The following SULF1 variants were observed in gnomAD, a reference collection of about 807,000 sequenced individuals.
The protein encoded by SULF1 is sulfatase 1.
Under a neutral mutation model 110.5 loss-of-function variants are expected in SULF1, and 46 were observed. That is an observed-to-expected ratio of 0.42 (90% CI 0.33 to 0.53). The LOEUF is 0.53. SULF1 is among the 20% of genes least tolerant of loss of function. The pLI, the probability that SULF1 is intolerant of heterozygous loss-of-function variation, is 0.12. For synonymous variants in SULF1, 371 were observed against 387.1 expected, an observed-to-expected ratio of 0.96 and a Z score of 0.49; for missense variants, 941 against 1,094.2, an observed-to-expected ratio of 0.86 and a Z score of 1.98.
intron 19 of SULF1, among the ~76,000 whole-genome samples, chr8:69,634,635 C>T (rs1810835009): frequency 6.6e-6 from 1 of 151,918 alleles, no homozygotes; most frequent in Non-Finnish European, 1.5e-5. Context: ...TCCGGGCTTG[C>T]CTGTAGTCCC....
At chr8:69,570,294 CA>C (rs1170781521) in intron 5 of SULF1, among the ~76,000 whole-genome samples, 1 of 152,096 alleles carries the variant, frequency 6.6e-6, no homozygotes, top group Non-Finnish European at 1.5e-5. Flanking sequence ...GTGATAATGA[CA>C]ATATTTACTG....
At chr8:69,576,346 TA>T in intron 6 of SULF1, 137 bp downstream of exon 6, 1 of 967,728 alleles carries the variant, frequency 1.0e-6, no homozygotes, top group Non-Finnish European at 1.5e-6. Flanking sequence ...GCTTGACATC[TA>T]CCCCAGGGTC....
intron 6 of SULF1, among the ~76,000 whole-genome samples, chr8:69,585,186 C>T (rs1166210023): frequency 1.3e-5 from 2 of 152,042 alleles, no homozygotes; most frequent in African/African-American, 2.4e-5. Context: ...TATACATACA[C>T]GCACACATGC....
At chr8:69,634,799 G>A (rs537155398) in intron 19 of SULF1, among the ~76,000 whole-genome samples, 1 of 152,116 alleles carries the variant, frequency 6.6e-6, no homozygotes, top group East Asian at 1.9e-4. Flanking sequence ...AGAACATAAT[G>A]TGTAAAAAAA....
chr8:69,656,264 T>C (rs771747207), intron 22 of SULF1, among the ~76,000 whole-genome samples: 10 of 152,374 alleles, frequency 6.6e-5, no homozygotes, highest in Middle Eastern at 6.8e-3. Context: ...TTTCTTAAGA[T>C]GGTTTTTTAA....
chr8:69,554,839 C>T (rs889626117), intron 3 of SULF1, among the ~76,000 whole-genome samples: 3 of 151,696 alleles, frequency 2.0e-5, no homozygotes, highest in Non-Finnish European at 4.4e-5. Flanking sequence ...ATTAGCCAGG[C>T]GTGGTGGCAG....
intron 3 of SULF1, among the ~76,000 whole-genome samples, chr8:69,545,963 G>C (rs1051038154): frequency 6.6e-6 from 1 of 152,172 alleles, no homozygotes; most frequent in African/African-American, 2.4e-5. Flanking sequence ...CCAAAGTGCT[G>C]AGATTACAGG....
intron 22 of SULF1, among the ~76,000 whole-genome samples, chr8:69,656,243 G>A (rs72660107): frequency 0.1 from 15,431 of 152,156 alleles, 836 homozygotes; most frequent in Non-Finnish European, 0.12. Flanking sequence ...AGTTTATTTC[G>A]CCAGGAGCAT....
rs79064870 is a variant in SULF1, at chr8:69,564,568, G to A, written c.172+421G>A. Among the ~76,000 whole-genome samples, 995 of 152,266 alleles carry A rather than the reference G, an allele frequency of 6.5e-3. 9 individuals are homozygous for A. The highest frequency in any genetic ancestry group is 0.022 in the African/African-American group (918 of 41,546). On this transcript the variant is annotated intron_variant, in intron 5 of 22. Coordinates refer to ENST00000402687, the MANE Select transcript of SULF1 (RefSeq NM_001128205.2). Reference sequence around the variant, plus strand: ...TTTCAGTGGTTATTAGTATTAGAGTGGATTACTTATTCACAGTTTGTTATA... The same window carrying A: ...TTTCAGTGGTTATTAGTATTAGAGTAGATTACTTATTCACAGTTTGTTATA...
rs183288428 is a variant in SULF1 at position 69,603,688 on chromosome 8, A to G, written c.1247+32A>G. The G allele has an allele frequency of 2.7e-6, 4 of 1,497,600 alleles. No homozygotes were observed. The African/African-American group carries it at 4.1e-5, about 15-fold the overall frequency. 92.8% of individuals were successfully genotyped at this position (1,497,600 alleles called of 1,614,324 possible). On this transcript the variant is annotated intron_variant, in intron 12 of 22. Coordinates refer to ENST00000402687, the MANE Select transcript of SULF1 (RefSeq NM_001128205.2). ...ATTGGTTCCTGGGGTGCTTCTGGGA[A>G]CCAGTCCTAGTGGGCAGCTTTCCCT...
upstream of SULF1, among the ~76,000 whole-genome samples, chr8:69,489,988 C>T (rs1408411060): frequency 6.6e-6 from 1 of 152,102 alleles, no homozygotes; most frequent in Non-Finnish European, 1.5e-5. Context: ...AAACTACTGG[C>T]CTCTTGCATC....
chr8:69,602,455 A>G (rs1807902258), intron 10 of SULF1, among the ~76,000 whole-genome samples: 3 of 152,226 alleles, frequency 2.0e-5, no homozygotes, highest in South Asian at 4.1e-4. Flanking sequence ...GGAAAGACTA[A>G]AAGAAAAAGT....
At chr8:69,604,582 C>T (rs994843577) in intron 12 of SULF1, among the ~76,000 whole-genome samples, 5 of 152,044 alleles carry the variant, frequency 3.3e-5, no homozygotes, top group South Asian at 2.1e-4. Flanking sequence ...TTGGGAAGAA[C>T]GAATCTTTTC....
Position 69,564,097 on chromosome 8 carries a change from T to C in SULF1, c.122T>C (p.Ile41Thr), listed in dbSNP as rs749707382. 1 of 1,614,046 alleles carries C rather than the reference T, an allele frequency of 6.2e-7. No homozygotes were observed. The highest frequency in any genetic ancestry group is 8.5e-7 in the Non-Finnish European group (1 of 1,180,038). ...CGGATACAGCAGGAACGAAAAAACATCCGACCCAACATTATTCTTGTGCTT... is the reference window on the plus strand; with the variant it reads ...CGGATACAGCAGGAACGAAAAAACACCCGACCCAACATTATTCTTGTGCTT... The part of the protein sequence containing the change: ...RGRIQQERKN[I>T]RPNIILVLTD... Residue 41 changes from isoleucine (I) to threonine (T), a missense_variant, in exon 5 of 23, where the codon ATC becomes ACC. By Grantham distance (89) the Ile-to-Thr change is moderately conservative. Around this residue, in one of 3 missense-constraint regions of SULF1, gnomAD observed 822 missense variants for 934.3 expected, o/e 0.88. Coordinates refer to ENST00000402687, the MANE Select transcript of SULF1 (RefSeq NM_001128205.2).
intron 8 of SULF1, among the ~76,000 whole-genome samples, chr8:69,594,213 G>A (rs569607812): frequency 6.6e-6 from 1 of 152,084 alleles, no homozygotes; most frequent in Non-Finnish European, 1.5e-5. Context: ...CACCACGCTC[G>A]GCTAATTTTG....
chr8:69,495,520 C>T (rs1810284232), intron 1 of SULF1, among the ~76,000 whole-genome samples: 1 of 152,182 alleles, frequency 6.6e-6, no homozygotes, highest in South Asian at 2.1e-4. Flanking sequence ...GAAATCAGAG[C>T]TTTAATCTTG....
intron 15 of SULF1, chr8:69,625,943 A>G (rs1355175101): frequency 6.6e-6 from 1 of 152,226 alleles, no homozygotes; most frequent in Non-Finnish European, 1.5e-5. Flanking sequence ...AAGGTTCTCC[A>G]CTTCCCCATC....
At chr8:69,468,026 A>G (rs946679070) in intron 1 of SULF1, among the ~76,000 whole-genome samples, 1 of 152,230 alleles carries the variant, frequency 6.6e-6, no homozygotes, top group Non-Finnish European at 1.5e-5. Context: ...CTATTTTCAC[A>G]GGGATCAAAA....
At chr8:69,505,582 G>A (rs1263759601) in intron 3 of SULF1, among the ~76,000 whole-genome samples, 1 of 151,930 alleles carries the variant, frequency 6.6e-6, no homozygotes, top group African/African-American at 2.4e-5. Flanking sequence ...AAATGTAGGT[G>A]GTTTTTAAAA....
Sources: allele counts gnomAD v4.1 joint callset (sites outside exome capture counted in the v4.1 genomes callset), GRCh38; gene constraint gnomAD v4.1.1; regional missense constraint gnomAD v4.1.1; transcripts MANE v1.5; gene names NCBI Gene and HGNC (gene_info 2026-07-23, HGNC 2026-07-21).